Variants in B3GALT1 observed in about 807,000 individuals in gnomAD.
B3GALT1 encodes the protein beta-1,3-galactosyltransferase 1.
B3GALT1 carries 10 observed loss-of-function variants against 23.2 expected under a neutral mutation model. The ratio of observed to expected loss-of-function variants is 0.43; its 90% CI spans 0.27 to 0.73. The LOEUF (loss-of-function observed/expected upper bound fraction) is 0.73. Ranked by LOEUF, B3GALT1 falls within the 30% of genes least tolerant of loss-of-function variation. The pLI is 0.21. For synonymous variants in B3GALT1, 156 were observed against 141.5 expected, an observed-to-expected ratio of 1.10 and a Z score of -0.73; for missense variants, 299 against 405.4, an observed-to-expected ratio of 0.74 and a Z score of 2.25.
intron 3 of B3GALT1, among the ~76,000 whole-genome samples, chr2:167,668,932 A>G (rs143323913): frequency 0.023 from 3,461 of 152,300 alleles, 150 homozygotes; most frequent in African/African-American, 0.078. Context: ...GCTGGGAGCT[A>G]TAGACTGGAG....
At chr2:167,865,606 A>G (rs1278747638) in intron 4 of B3GALT1, among the ~76,000 whole-genome samples, 2 of 152,040 alleles carry the variant, frequency 1.3e-5, no homozygotes, top group Non-Finnish European at 2.9e-5. Flanking sequence ...CCTGGCTAAC[A>G]CCGTGAAACC....
chr2:167,798,403 T>A (rs1292984350), intron 3 of B3GALT1, among the ~76,000 whole-genome samples: 1 of 152,096 alleles, frequency 6.6e-6, no homozygotes, highest in East Asian at 1.9e-4. Context: ...TCTTCTAGGG[T>A]TTTTATGGTT....
chr2:167,332,188 C>A (rs1310139767), intron 1 of B3GALT1, among the ~76,000 whole-genome samples: 2 of 152,110 alleles, frequency 1.3e-5, no homozygotes, highest in Admixed American at 1.3e-4. Context: ...TTATAGGAGT[C>A]CACAGCAGGA....
intron 3 of B3GALT1, among the ~76,000 whole-genome samples, chr2:167,760,818 T>C (rs1687888522): frequency 1.3e-5 from 2 of 152,196 alleles, no homozygotes; most frequent in Non-Finnish European, 2.9e-5. Context: ...GCTTAATACA[T>C]ATCATGTGGC....
rs1216946577 is a variant in B3GALT1, at chr2:167,570,744, A to G, written c.-409-76165A>G. ...TTTTAATCAGTGTTCTTTTGTTGCT[A>G]TTGTTTTACCACCCCCCAATTTAAA... On this transcript the variant is annotated intron_variant, in intron 2 of 4. Transcript: ENST00000392690. Among the ~76,000 whole-genome samples, 4 of 151,678 alleles carry G rather than the reference A, an allele frequency of 2.6e-5. No individual in the cohort carries two copies. In the East Asian group the frequency reaches 5.8e-4, roughly 22 times the overall value.
At chr2:167,407,143 T>C (rs773758382) in intron 1 of B3GALT1, among the ~76,000 whole-genome samples, 14 of 152,126 alleles carry the variant, frequency 9.2e-5, no homozygotes, top group Non-Finnish European at 1.8e-4. Flanking sequence ...ATCAAGCATC[T>C]TTTCTGAACA....
intron 2 of B3GALT1, among the ~76,000 whole-genome samples, chr2:167,520,789 T>C (rs1700176222): frequency 6.6e-6 from 1 of 152,216 alleles, no homozygotes; most frequent in African/African-American, 2.4e-5. Flanking sequence ...AAAATTTCCG[T>C]TGAAATCTCT....
At chr2:167,372,900 C>A (rs1328396441) in intron 1 of B3GALT1, among the ~76,000 whole-genome samples, 9 of 151,970 alleles carry the variant, frequency 5.9e-5, no homozygotes, top group Non-Finnish European at 1.3e-4. Context: ...AGCTCTCCCC[C>A]AAATTGATCC....
chr2:167,518,582 A>G (rs1459616034), intron 2 of B3GALT1, among the ~76,000 whole-genome samples: 1 of 152,232 alleles, frequency 6.6e-6, no homozygotes, highest in Admixed American at 6.5e-5. Context: ...AATAGCTGAT[A>G]TCAGCATCAT....
intron 2 of B3GALT1, among the ~76,000 whole-genome samples, chr2:167,535,299 G>C (rs1683397390): frequency 6.6e-6 from 1 of 152,120 alleles, no homozygotes; most frequent in Non-Finnish European, 1.5e-5. Flanking sequence ...CAACTTTAGG[G>C]AGCTTATGAA....
chr2:167,346,835 G>A (rs1308149786), intron 1 of B3GALT1, among the ~76,000 whole-genome samples: 1 of 151,630 alleles, frequency 6.6e-6, no homozygotes, highest in Non-Finnish European at 1.5e-5. Context: ...TCGTCTGAAC[G>A]AATCATTCTG....
At chr2:167,491,354 C>G (rs1112983) in intron 2 of B3GALT1, among the ~76,000 whole-genome samples, 76,860 of 151,928 alleles carry the variant, frequency 0.51, 22,330 homozygotes, top group East Asian at 0.98. Flanking sequence ...GTAACAACTG[C>G]GAAACCAGGG....
chr2:167,320,335 G>A (rs1317502934), intron 1 of B3GALT1, among the ~76,000 whole-genome samples: 1 of 151,798 alleles, frequency 6.6e-6, no homozygotes, highest in Non-Finnish European at 1.5e-5. Flanking sequence ...GACCACAGGA[G>A]CACACCACCA....
chr2:167,447,456 A>T (rs1699018060), intron 1 of B3GALT1, among the ~76,000 whole-genome samples: 1 of 152,214 alleles, frequency 6.6e-6, no homozygotes, highest in African/African-American at 2.4e-5. Context: ...CCCTGTCTGC[A>T]GAGGTGGAGT....
At chr2:167,613,463 T>C (rs1685105129) in intron 2 of B3GALT1, among the ~76,000 whole-genome samples, 1 of 151,316 alleles carries the variant, frequency 6.6e-6, no homozygotes, top group Admixed American at 6.6e-5. Flanking sequence ...TTTTATATAA[T>C]ATACTAGAAA....
intron 4 of B3GALT1, among the ~76,000 whole-genome samples, chr2:167,830,819 G>T (rs1023051710): frequency 1.3e-5 from 2 of 152,182 alleles, no homozygotes; most frequent in East Asian, 1.9e-4. Context: ...TAATTCATTG[G>T]TTGACTGAAC....
chr2:167,669,231 T>G (rs79670741), intron 3 of B3GALT1, among the ~76,000 whole-genome samples: 3,448 of 152,324 alleles, frequency 0.023, 150 homozygotes, highest in African/African-American at 0.078. Context: ...TGATGTATAC[T>G]TATTGAATGG....
At chr2:167,825,471 T>TGCGCGCGCGG (rs1689200984) in intron 4 of B3GALT1, among the ~76,000 whole-genome samples, 1 of 145,156 alleles carries the variant, frequency 6.9e-6, no homozygotes, top group African/African-American at 2.6e-5. Flanking sequence ...CACGTGTGTG[T>TGCGCGCGCGG]GTGTGTTATA....
At chr2:167,593,134 T>G (rs1168563321) in intron 2 of B3GALT1, among the ~76,000 whole-genome samples, 1 of 152,190 alleles carries the variant, frequency 6.6e-6, no homozygotes, top group African/African-American at 2.4e-5. Context: ...TCTAAACACT[T>G]AAGTACAAAG....
Sources: allele counts gnomAD v4.1 joint callset (sites outside exome capture counted in the v4.1 genomes callset), GRCh38; gene constraint gnomAD v4.1.1; transcripts MANE v1.5; gene names NCBI Gene and HGNC (gene_info 2026-07-23, HGNC 2026-07-21).